The following C6 variants were observed in gnomAD, a reference collection of about 807,000 sequenced individuals.
C6 encodes the protein complement component C6.
C6 carries 101 observed loss-of-function variants against 112.9 expected under a neutral mutation model. The observed-to-expected ratio is 0.89, with a 90% confidence interval of 0.76 to 1.06. The LOEUF (loss-of-function observed/expected upper bound fraction) is 1.06, where lower values mean the gene tolerates loss of function less well. Ranked by LOEUF, C6 falls within the 50% of genes least tolerant of loss-of-function variation. The pLI is 0.00. For synonymous variants in C6, 431 were observed against 384.1 expected, an observed-to-expected ratio of 1.12 and a Z score of -1.43; for missense variants, 1,202 against 1,104.6, an observed-to-expected ratio of 1.09 and a Z score of -1.25.
intron 3 of C6, among the ~76,000 whole-genome samples, chr5:41,200,891 GTTTTTTTTTTTTT>G (rs143443464): frequency 4.2e-5 from 3 of 70,670 alleles, no homozygotes; most frequent in Admixed American, 1.7e-4. Flanking sequence ...TGTTGTTGTT[GTTTTTTTTTTTTT>G]TTTTTTTTTT....
At chr5:41,236,849 A>G (rs1370673380) in intron 1 of C6, among the ~76,000 whole-genome samples, 1 of 133,386 alleles carries the variant, frequency 7.5e-6, no homozygotes, top group Non-Finnish European at 1.6e-5. Flanking sequence ...TAAAGAAAAA[A>G]AGAGAGAAGA....
In C6 at chr5:41,155,563, C is replaced by T. The variant is rs72753970; in HGVS notation, c.1969-459G>A. 2.1e-3 allele frequency among the ~76,000 whole-genome samples: 324 copies of T among 152,070 alleles called. 5 individuals carry two copies. In the East Asian group the frequency reaches 0.038, roughly 18 times the overall value. ...AGTAGCCAGACAGTATTTTCTGTCT[C>T]CACAAAAATACAGAAAAGTAGCGAG... On this transcript the variant is annotated intron_variant, in intron 13 of 17. Coordinates refer to ENST00000337836, the MANE Select transcript of C6 (RefSeq NM_000065.5).
intron 2 of C6, 97 bp from the exon 3 acceptor site, chr5:41,201,811 G>A (rs970594801): frequency 4.4e-6 from 5 of 1,139,074 alleles, no homozygotes; most frequent in Non-Finnish European, 6.6e-6. Context: ...ACAATAAATA[G>A]AAAAGAAAGA....
At chr5:41,145,666 A>G (rs1745751658) in intron 17 of C6, among the ~76,000 whole-genome samples, 1 of 152,212 alleles carries the variant, frequency 6.6e-6, no homozygotes, top group Non-Finnish European at 1.5e-5. Flanking sequence ...TTGGTAGGAA[A>G]CATTTTATGG....
At chr5:41,212,370 AG>A (rs1338614894) in intron 1 of C6, among the ~76,000 whole-genome samples, 1 of 152,064 alleles carries the variant, frequency 6.6e-6, no homozygotes, top group Non-Finnish European at 1.5e-5. Flanking sequence ...CATTTTGGTC[AG>A]GCTCGTCTTG....
intron 4 of C6, among the ~76,000 whole-genome samples, chr5:41,198,442 T>C (rs1750768228): frequency 6.6e-6 from 1 of 152,182 alleles, no homozygotes; most frequent in South Asian, 2.1e-4. Flanking sequence ...GTGACAAGGA[T>C]TTACCAATCA....
chr5:41,247,434 A>G (rs531043781), intron 1 of C6, among the ~76,000 whole-genome samples: 2 of 152,318 alleles, frequency 1.3e-5, no homozygotes, highest in South Asian at 4.1e-4. Context: ...AATTTACAAT[A>G]GCCACAGAAA....
At chr5:41,173,855 G>A (rs1748629053) in intron 8 of C6, among the ~76,000 whole-genome samples, 1 of 152,038 alleles carries the variant, frequency 6.6e-6, no homozygotes, top group African/African-American at 2.4e-5. Flanking sequence ...TGCTTAGTTT[G>A]CATATTCAAC....
intron 5 of C6, among the ~76,000 whole-genome samples, chr5:41,186,896 TAA>T (rs998857983): frequency 5.3e-5 from 8 of 151,990 alleles, no homozygotes; most frequent in African/African-American, 1.9e-4. Context: ...ATCAACTATT[TAA>T]GAGGTTATTT....
intron 2 of C6, among the ~76,000 whole-genome samples, chr5:41,202,617 G>A (rs1428021809): frequency 1.3e-5 from 2 of 152,126 alleles, no homozygotes; most frequent in African/African-American, 2.4e-5. Context: ...AGTCTGAATT[G>A]GTGAAAAGAC....
intron 9 of C6, 31 bp downstream of exon 9, chr5:41,172,194 T>G (rs773132438): frequency 1.2e-6 from 2 of 1,612,588 alleles, no homozygotes; most frequent in East Asian, 4.5e-5. Flanking sequence ...CAGGGCACAC[T>G]GGATAAGCTG....
intron 1 of C6, among the ~76,000 whole-genome samples, chr5:41,251,166 A>G (rs1741335128): frequency 6.6e-6 from 1 of 152,148 alleles, no homozygotes; most frequent in South Asian, 2.1e-4. Context: ...TGGCATAAGT[A>G]TTTTAGTTAT....
intron 9 of C6, among the ~76,000 whole-genome samples, chr5:41,165,880 G>T (rs879679960): frequency 4.6e-5 from 7 of 152,048 alleles, no homozygotes; most frequent in East Asian, 1.9e-4. Context: ...AAATTTAGGC[G>T]ATATGCAATG....
chr5:41,239,768 C>T (rs1374869449), intron 1 of C6, among the ~76,000 whole-genome samples: 2 of 152,158 alleles, frequency 1.3e-5, no homozygotes, highest in South Asian at 2.1e-4. Context: ...TGTTGGACTC[C>T]CTGAAGCATA....
Position 41,199,845 on chromosome 5 carries a change from G to A in C6, c.368C>T (p.Ala123Val). ...GGQPCTAPLV[A>V]FQPCIPSKLC... is the part of the protein sequence containing the mutation. ...CTTAGATGGAATGCATGGTTGAAAG[G>A]CTACCAGAGGCGCAGTGCATGGCTG... The change falls in exon 4 of 18, where the codon GCC (alanine) becomes GTC (valine). Residue 123 changes from alanine to valine, a missense_variant. Physicochemically the swap from Ala to Val is moderately conservative, Grantham distance 64. Transcript: ENST00000337836. The A allele has an allele frequency of 6.2e-7, 1 of 1,613,564 alleles. No homozygotes were observed. The highest frequency in any genetic ancestry group is 8.5e-7 in the Non-Finnish European group (1 of 1,179,558).
intron 9 of C6, among the ~76,000 whole-genome samples, chr5:41,170,721 ATATTT>A (rs1248209991): frequency 6.6e-6 from 1 of 152,084 alleles, no homozygotes; most frequent in African/African-American, 2.4e-5. Context: ...AGTAAATATT[ATATTT>A]TATTTGTTTC....
intron 9 of C6, among the ~76,000 whole-genome samples, chr5:41,162,633 T>G (rs1229777903): frequency 2.0e-5 from 3 of 152,080 alleles, no homozygotes; most frequent in Admixed American, 6.6e-5. Flanking sequence ...TAGTAGCAAA[T>G]AAAAAGAAGG....
intron 9 of C6, among the ~76,000 whole-genome samples, chr5:41,165,115 T>C (rs971287800): frequency 5.3e-5 from 8 of 152,328 alleles, no homozygotes; most frequent in African/African-American, 1.9e-4. Context: ...CTGGTTTCTT[T>C]TGCTCAGTTT....
At chr5:41,221,607 G>A (rs1739169669) in intron 1 of C6, among the ~76,000 whole-genome samples, 1 of 152,118 alleles carries the variant, frequency 6.6e-6, no homozygotes, top group African/African-American at 2.4e-5. Flanking sequence ...GCTGCCATTG[G>A]CTACCTTATG....
Sources: allele counts gnomAD v4.1 joint callset (sites outside exome capture counted in the v4.1 genomes callset), GRCh38; gene constraint gnomAD v4.1.1; transcripts MANE v1.5; gene names NCBI Gene and HGNC (gene_info 2026-07-23, HGNC 2026-07-21).